Variants in CACNA1C observed in about 807,000 individuals in gnomAD.
CACNA1C encodes calcium voltage-gated channel subunit alpha1 C.
Under a neutral mutation model 229.0 loss-of-function variants are expected in CACNA1C, and 30 were observed. The ratio of observed to expected loss-of-function variants is 0.13; its 90% CI spans 0.10 to 0.18. The LOEUF (loss-of-function observed/expected upper bound fraction) is 0.18. CACNA1C is among the 10% of genes least tolerant of loss of function. The probability of loss-of-function intolerance (pLI) is 1.00; values close to 1 mark genes in which losing one functional copy is unlikely to be tolerated. For synonymous variants in CACNA1C, 1,114 were observed against 1,132.5 expected (o/e 0.98, Z 0.33); for missense variants, 1,658 against 2,845.0 (o/e 0.58, Z 9.49).
chr12:2,498,263 G>A (rs1318241965), intron 7 of CACNA1C, among the ~76,000 whole-genome samples: 1 of 152,036 alleles, frequency 6.6e-6, no homozygotes, highest in Non-Finnish European at 1.5e-5. Context: ...CAGTGTCCAG[G>A]GCCCTTTCTC....
chr12:2,639,901 G>A lies in CACNA1C; in HGVS notation c.3912+5521G>A, dbSNP rs2093447410. Among the ~76,000 whole-genome samples, 1 of 152,202 alleles carries A rather than the reference G, an allele frequency of 6.6e-6. No homozygotes were observed. On this transcript the variant is annotated intron_variant, in intron 30 of 46. Coordinates refer to ENST00000399655, the MANE Select transcript of CACNA1C (RefSeq NM_000719.7). This position sits in a 1 kb window ranked among gnomAD's most constrained non-coding sequence, Gnocchi z 4.2. ...AAGGAGCAGGAGAAAGACCTTCGGG[G>A]AGCAGAGCAGGCACAGGGAGGGGAA...
At chr12:2,349,703 C>T (rs369216446) in intron 3 of CACNA1C, among the ~76,000 whole-genome samples, 4 of 152,052 alleles carry the variant, frequency 2.6e-5, no homozygotes, top group Non-Finnish European at 4.4e-5. Flanking sequence ...GGAGCTCTTG[C>T]GAGTCTGGAG....
chr12:2,457,498 A>C lies in CACNA1C; in HGVS notation c.618-69A>C, dbSNP rs56229649. 18,574 of 1,525,980 alleles carry C rather than the reference A, an allele frequency of 0.012. 146 individuals are homozygous for C. Among genetic ancestry groups the C allele is most frequent in the Non-Finnish European group, 0.015 (16,326 of 1,124,488 alleles). The allele number at this position is 1,525,980 out of a possible 1,614,324, so 94.5% of individuals were successfully genotyped here. On this transcript the variant is annotated intron_variant, in intron 4 of 46. Transcript: ENST00000399655. ...ATCTGCTTTTCCGGGCTGTATCCAGAGGTCAGAGCCCCAGCTGGGCAAAAG... is the reference window on the plus strand; with the variant it reads ...ATCTGCTTTTCCGGGCTGTATCCAGCGGTCAGAGCCCCAGCTGGGCAAAAG...
chr12:2,451,335 C>G (rs2099366756), intron 4 of CACNA1C, among the ~76,000 whole-genome samples: 1 of 152,236 alleles, frequency 6.6e-6, no homozygotes, highest in East Asian at 1.9e-4. Flanking sequence ...AGGCCTCAGT[C>G]TCCTGGGAGT....
chr12:2,256,863 C>A (rs1207755797), intron 3 of CACNA1C, among the ~76,000 whole-genome samples: 3 of 152,142 alleles, frequency 2.0e-5, no homozygotes, highest in Non-Finnish European at 4.4e-5. Flanking sequence ...GTTTGGAAAC[C>A]AGCATGCTAC....
chr12:2,555,305 G>T (rs1320468741), intron 10 of CACNA1C, among the ~76,000 whole-genome samples: 2 of 152,238 alleles, frequency 1.3e-5, no homozygotes. Context: ...GCAAAGGGCC[G>T]GTGGTCGTCA....
At chr12:2,333,269 A>G (rs1439901581) in intron 3 of CACNA1C, among the ~76,000 whole-genome samples, 3 of 152,138 alleles carry the variant, frequency 2.0e-5, no homozygotes, top group African/African-American at 7.2e-5. Context: ...AGTGTGTAGT[A>G]AGAGGTGCGG....
intron 3 of CACNA1C, among the ~76,000 whole-genome samples, chr12:2,391,631 C>T (rs1036714489): frequency 2.0e-5 from 3 of 152,060 alleles, no homozygotes; most frequent in East Asian, 1.9e-4. Context: ...GTAGCCTACT[C>T]CTTCTGAGTG....
At chr12:2,457,164 G>A (rs2099434083) in intron 4 of CACNA1C, among the ~76,000 whole-genome samples, 1 of 152,226 alleles carries the variant, frequency 6.6e-6, no homozygotes, top group African/African-American at 2.4e-5. Flanking sequence ...AGGAGGTGGG[G>A]AAACAGAGCA....
intron 3 of CACNA1C, among the ~76,000 whole-genome samples, chr12:2,129,321 C>T (rs2091460594): frequency 6.6e-6 from 1 of 152,294 alleles, no homozygotes; most frequent in African/African-American, 2.4e-5. Flanking sequence ...CATAAACCCG[C>T]AGAGAGCCTG....
intron 5 of CACNA1C, among the ~76,000 whole-genome samples, chr12:2,465,444 A>G (rs2099544296): frequency 6.6e-6 from 1 of 152,180 alleles, no homozygotes; most frequent in Non-Finnish European, 1.5e-5. Context: ...TGGAACAGGC[A>G]GGGATGGGGA....
intron 3 of CACNA1C, among the ~76,000 whole-genome samples, chr12:2,242,111 TG>T (rs2070690038): frequency 6.6e-6 from 1 of 152,196 alleles, no homozygotes; most frequent in African/African-American, 2.4e-5. Flanking sequence ...TCCTCCGACC[TG>T]GCCTCCCACC....
At chr12:2,464,317 C>G (rs1417892256) in intron 5 of CACNA1C, among the ~76,000 whole-genome samples, 4 of 152,188 alleles carry the variant, frequency 2.6e-5, no homozygotes, top group Non-Finnish European at 5.9e-5. Flanking sequence ...TCCCATCAGT[C>G]AAATCAGAAC....
At chr12:2,135,806 A>C (rs936902552) in intron 3 of CACNA1C, among the ~76,000 whole-genome samples, 1 of 146,258 alleles carries the variant, frequency 6.8e-6, no homozygotes, top group Admixed American at 6.7e-5. Flanking sequence ...AGAGGCAGGC[A>C]GGCCTCCTTG....
Position 2,512,305 on chromosome 12 carries a change from T to A in CACNA1C, c.1218-507T>A, listed in dbSNP as rs115060812. 0.012 allele frequency among the ~76,000 whole-genome samples: 1,763 copies of A among 152,146 alleles called. 39 individuals carry two copies. The highest frequency in any genetic ancestry group is 0.04 in the African/African-American group (1,676 of 41,510). ...TTGGGAAGAGACATGAATGATTGGC[T>A]CTCAGGACCTGGGGCGAGTGAGTGG... On this transcript the variant is annotated intron_variant, in intron 8 of 46. Transcript: ENST00000399655. The surrounding 1 kb of genome is among the most constrained non-coding windows in gnomAD (Gnocchi z 4.3).
chr12:2,245,528 G>A lies in CACNA1C; in HGVS notation c.477+125098G>A, dbSNP rs1393965116. 5.3e-5 allele frequency among the ~76,000 whole-genome samples: 8 copies of A among 152,110 alleles called. No individual in the cohort carries two copies. In the East Asian group the frequency reaches 1.2e-3, roughly 22 times the overall value. On this transcript the variant is annotated intron_variant, in intron 3 of 46. Coordinates refer to ENST00000399655, the MANE Select transcript of CACNA1C (RefSeq NM_000719.7). ...GTGGTCTAGAATGTGCCCATGCTTG[G>A]GCTCCTTTCCTTGTTCCTCCCAAAG... is the stretch of plus-strand genomic sequence containing the variant.
At chr12:2,542,072 G>T (rs1387085493) in intron 9 of CACNA1C, among the ~76,000 whole-genome samples, 4 of 152,192 alleles carry the variant, frequency 2.6e-5, no homozygotes, top group African/African-American at 9.7e-5. Context: ...GAGTACAGCA[G>T]CGGGCACCAA....
In CACNA1C at chr12:2,566,258, G is replaced by C. The variant is rs1159355128; in HGVS notation, c.1509-164G>C. ...TCAGGGGCATCCCCAAGGCGGCAGG[G>C]CCTGGTTAGCTGGATGAGAAGCTGG... On this transcript the variant is annotated intron_variant, in intron 11 of 46. Transcript: ENST00000399655. This position sits in a 1 kb window ranked among gnomAD's most constrained non-coding sequence, Gnocchi z 4.0. Among the ~76,000 whole-genome samples, 2 of 152,190 alleles carry C rather than the reference G, an allele frequency of 1.3e-5. No homozygotes were observed. Among genetic ancestry groups the C allele is most frequent in the Admixed American group, 6.5e-5 (1 of 15,284 alleles).
intron 30 of CACNA1C, among the ~76,000 whole-genome samples, chr12:2,638,511 C>T (rs1029931223): frequency 2.6e-5 from 4 of 152,120 alleles, no homozygotes; most frequent in Non-Finnish European, 4.4e-5. Flanking sequence ...AGAGGTGTCA[C>T]GTGACCCGAC....
Sources: allele counts gnomAD v4.1 joint callset (sites outside exome capture counted in the v4.1 genomes callset), GRCh38; gene constraint gnomAD v4.1.1; non-coding constraint Gnocchi (gnomAD v3.1); transcripts MANE v1.5; gene names NCBI Gene and HGNC (gene_info 2026-07-23, HGNC 2026-07-21).